The following GLOD4 variants were observed in gnomAD, a reference collection of about 807,000 sequenced individuals.
GLOD4 encodes the protein glyoxalase domain-containing protein 4.
GLOD4 carries 44 observed loss-of-function variants against 39.1 expected under a neutral mutation model. That is an observed-to-expected ratio of 1.13 (90% confidence interval 0.88 to 1.45). GLOD4 has a LOEUF of 1.45. GLOD4 is among the 40% of genes most tolerant of loss of function. The pLI is 0.00. For missense variants in GLOD4, 405 were observed against 366.4 expected (o/e 1.11, Z -0.86); for synonymous variants, 145 against 135.0 (o/e 1.07, Z -0.52).
chr17:776,726 C>T, intron 3 of GLOD4, 142 bp downstream of exon 3: 1 of 665,372 alleles, frequency 1.5e-6, no homozygotes, highest in Non-Finnish European at 2.7e-6. Flanking sequence ...CCCAGATATC[C>T]ACGTGGCTAA....
chr17:771,464 G>C lies in GLOD4; in HGVS notation c.407-3C>G, dbSNP rs1303053582. On this transcript the variant is annotated splice_region_variant and splice_polypyrimidine_tract_variant and intron_variant, in intron 4 of 8. Coordinates refer to ENST00000301329, the MANE Select transcript of GLOD4 (RefSeq NM_016080.4). Reference sequence around the variant, plus strand: ...TAGAGTTACTTTTAATACAGGATCTGTTGGGTAATAAAGCAGGAATAGACA... The same window carrying C: ...TAGAGTTACTTTTAATACAGGATCTCTTGGGTAATAAAGCAGGAATAGACA... The C allele has an allele frequency of 6.5e-7, 1 of 1,547,214 alleles. No individual in the cohort carries two copies. The highest frequency in any genetic ancestry group is 1.9e-5 in the Admixed American group (1 of 52,496).
At chr17:766,259 C>T (rs1906531761) in intron 8 of GLOD4, among the ~76,000 whole-genome samples, 1 of 151,660 alleles carries the variant, frequency 6.6e-6, no homozygotes. Context: ...GATCATGCCA[C>T]TGCACTCCAG....
intron 4 of GLOD4, among the ~76,000 whole-genome samples, chr17:772,096 G>A (rs1908054871): frequency 6.8e-6 from 1 of 146,670 alleles, no homozygotes; most frequent in African/African-American, 2.5e-5. Context: ...GATGGAAGCA[G>A]GAGGATCGCT....
At chr17:773,463 A>G (rs1297552910) in intron 4 of GLOD4, among the ~76,000 whole-genome samples, 1 of 152,248 alleles carries the variant, frequency 6.6e-6, no homozygotes, top group African/African-American at 2.4e-5. Context: ...AAAAGATTGG[A>G]AAGATATACT....
intron 1 of GLOD4, among the ~76,000 whole-genome samples, chr17:781,657 C>A (rs749666021): frequency 6.6e-5 from 10 of 152,196 alleles, no homozygotes; most frequent in Non-Finnish European, 1.3e-4. Flanking sequence ...CCTCAGGACC[C>A]GAGACAGACC....
chr17:776,833 C>A, intron 3 of GLOD4, 35 bp downstream of exon 3: 1 of 1,574,914 alleles, frequency 6.3e-7, no homozygotes, highest in Non-Finnish European at 8.7e-7. Context: ...CACCTACCCC[C>A]AGCCAAAACT....
intron 4 of GLOD4, among the ~76,000 whole-genome samples, chr17:775,243 C>T: frequency 6.6e-6 from 1 of 151,706 alleles, no homozygotes; most frequent in East Asian, 1.9e-4. Flanking sequence ...TACACTCCAG[C>T]CGGACTGACA....
chr17:759,975 C>CCG lies in GLOD4; in HGVS notation c.*197_*198insCG. ...CAGTGTAGATTACAGCAGGCGTTCT[C>CCG]TACCTGGACTCATGATTGGATTTCA... On this transcript the variant is annotated 3_prime_UTR_variant, in exon 9 of 9. Coordinates refer to ENST00000301329, the MANE Select transcript of GLOD4 (RefSeq NM_016080.4). 3.4e-6 allele frequency: 2 copies of CCG among 582,578 alleles called. No individual in the cohort carries two copies. Among genetic ancestry groups the CCG allele is most frequent in the South Asian group, 4.2e-5 (2 of 47,348 alleles). The allele number at this position is 582,578 out of a possible 1,614,324, so 36.1% of individuals were successfully genotyped here.
chr17:784,410 G>A (rs1478325192), upstream of GLOD4, among the ~76,000 whole-genome samples: 1 of 152,122 alleles, frequency 6.6e-6, no homozygotes, highest in Admixed American at 6.5e-5. Context: ...TAATCCACAC[G>A]CCATGCTTCA....
At position 776,914 on chromosome 17, in the gene GLOD4, G is replaced by T; in HGVS notation, c.215C>A (p.Thr72Asn). The T allele has an allele frequency of 1.9e-6, 3 of 1,611,874 alleles. No homozygotes were observed. The African/African-American group carries it at 4.0e-5, about 21-fold the overall frequency. ...GTAGTCTCCGACGCCATAATTGTAA[G>T]TCAGTTCTGCGACAAAATGATCATC... is the stretch of plus-strand genomic sequence containing the variant. Reference protein sequence around the residue: ...PEDDHFVAELTYNYGVGDYKL... With the variant: ...PEDDHFVAELNYNYGVGDYKL... The change falls in exon 3 of 9, where the codon ACT (threonine) becomes AAT (asparagine). Residue 72 changes from threonine (T) to asparagine (N), a missense_variant. Thr to Asn is a moderately conservative substitution (Grantham distance 65). Coordinates refer to ENST00000301329, the MANE Select transcript of GLOD4 (RefSeq NM_016080.4).
chr17:782,777 T>C, upstream of GLOD4: 2 of 1,375,860 alleles, frequency 1.5e-6, no homozygotes, highest in Non-Finnish European at 2.0e-6. Context: ...GATGGAGGAC[T>C]TCTTCCAGTA....
upstream of GLOD4, among the ~76,000 whole-genome samples, chr17:784,300 T>G (rs1432817045): frequency 1.3e-5 from 2 of 152,254 alleles, no homozygotes; most frequent in Non-Finnish European, 2.9e-5. Flanking sequence ...TCTGTGCCTC[T>G]GCACTCAGAG....
chr17:774,240 A>G (rs2144408270), intron 4 of GLOD4, among the ~76,000 whole-genome samples: 1 of 152,300 alleles, frequency 6.6e-6, no homozygotes, highest in East Asian at 1.9e-4. Flanking sequence ...TCTTTTGCTG[A>G]GCACCGGATG....
In GLOD4 at chr17:766,376, G is replaced by A. The variant is rs956203782; in HGVS notation, c.831+3493C>T. 6.6e-5 allele frequency among the ~76,000 whole-genome samples: 10 copies of A among 150,862 alleles called. No homozygotes were observed. The East Asian group carries it at 1.8e-3, about 27-fold the overall frequency. ...TTTGGGAGGCCAAGGCAGACGGATCGCCTGAAGTTAGGAGTTCAAGACCAT... is the reference window on the plus strand; with the variant it reads ...TTTGGGAGGCCAAGGCAGACGGATCACCTGAAGTTAGGAGTTCAAGACCAT... On this transcript the variant is annotated intron_variant, in intron 8 of 8. Coordinates refer to ENST00000301329, the MANE Select transcript of GLOD4 (RefSeq NM_016080.4).
chr17:777,159 G>A (rs1188243460), intron 2 of GLOD4, 171 bp from the exon 3 acceptor site: 2 of 615,248 alleles, frequency 3.3e-6, no homozygotes, highest in African/African-American at 1.8e-5. Flanking sequence ...AGTGCTCATG[G>A]GACCCTACTA....
chr17:783,395 G>T, upstream of GLOD4: 1 of 1,472,284 alleles, frequency 6.8e-7, no homozygotes, highest in Admixed American at 2.3e-5. Context: ...GGAGTGCAAT[G>T]GCGCGATCTC....
At chr17:783,427 C>T (rs982789877), upstream of GLOD4, 5 of 1,240,236 alleles carry the variant, frequency 4.0e-6, no homozygotes, top group African/African-American at 4.6e-5. Context: ...ACCTCCGCCT[C>T]TCGGGTTCAA....
chr17:784,194 G>A (rs1443276959), upstream of GLOD4, among the ~76,000 whole-genome samples: 1 of 152,156 alleles, frequency 6.6e-6, no homozygotes. Flanking sequence ...TTTTGACATG[G>A]GAGTTTTAAG....
chr17:763,228 T>C (rs1432422691), intron 8 of GLOD4, among the ~76,000 whole-genome samples: 6 of 141,762 alleles, frequency 4.2e-5, no homozygotes, highest in Non-Finnish European at 9.2e-5. Flanking sequence ...GCACTTAAGG[T>C]TGGATGCGGT....
Sources: allele counts gnomAD v4.1 joint callset (sites outside exome capture counted in the v4.1 genomes callset), GRCh38; gene constraint gnomAD v4.1.1; transcripts MANE v1.5; gene names NCBI Gene and HGNC (gene_info 2026-07-23, HGNC 2026-07-21).